LOC128462377: variants seen among roughly 807,000 people sequenced by gnomAD.
chr16:89,340,437 G>A, the LOC128462377 span, among the ~76,000 whole-genome samples: 1 of 152,180 alleles, frequency 6.6e-6, no homozygotes, highest in Admixed American at 6.5e-5. Context: ...ACCATGCCTG[G>A]CTAGTTTTTG....
At chr16:89,362,790 A>G in the LOC128462377 span, among the ~76,000 whole-genome samples, 1 of 152,130 alleles carries the variant, frequency 6.6e-6, no homozygotes, top group African/African-American at 2.4e-5. Flanking sequence ...CCTCTTCCTT[A>G]GTTGAAGGTG....
chr16:89,374,860 A>G, the LOC128462377 span, among the ~76,000 whole-genome samples: 3 of 152,322 alleles, frequency 2.0e-5, no homozygotes, highest in South Asian at 6.2e-4. Flanking sequence ...CAACAAATAC[A>G]CTGAAAAACT....
the LOC128462377 span, chr16:89,323,645 A>C: frequency 2.3e-3 from 737 of 322,662 alleles, 12 homozygotes; most frequent in South Asian, 0.017. Flanking sequence ...CCTCACAGGA[A>C]CCAGGCCCTC....
the LOC128462377 span, among the ~76,000 whole-genome samples, chr16:89,383,882 C>T: frequency 6.6e-6 from 1 of 152,350 alleles, no homozygotes; most frequent in African/African-American, 2.4e-5. Flanking sequence ...AGTCATACCT[C>T]TGTCTCACAA....
chr16:89,354,243 C>CAAA, the LOC128462377 span, among the ~76,000 whole-genome samples: 187 of 126,226 alleles, frequency 1.5e-3, 1 homozygote, highest in Middle Eastern at 0.012. Context: ...TGCATTCAGC[C>CAAA]AAAAAAAAAA....
the LOC128462377 span, among the ~76,000 whole-genome samples, chr16:89,330,083 T>A: frequency 6.6e-6 from 1 of 152,190 alleles, no homozygotes; most frequent in Admixed American, 6.5e-5. Flanking sequence ...AACATTTTAA[T>A]AATGTTTAAA....
chr16:89,324,299 C>A, the LOC128462377 span: 3 of 1,267,338 alleles, frequency 2.4e-6, no homozygotes, highest in African/African-American at 1.5e-5. Context: ...CACGGACCAC[C>A]CGACAGGAGC....
At chr16:89,325,449 C>CCTCTCT in the LOC128462377 span, among the ~76,000 whole-genome samples, 426 of 139,612 alleles carry the variant, frequency 3.1e-3, 2 homozygotes, top group African/African-American at 0.01. Flanking sequence ...TCTCCCCTCT[C>CCTCTCT]CTCTCTCTCT....
chr16:89,384,634 G>A, the LOC128462377 span, among the ~76,000 whole-genome samples: 1 of 152,156 alleles, frequency 6.6e-6, no homozygotes, highest in African/African-American at 2.4e-5. Context: ...CCTCTGCACT[G>A]GCAGTGGCAC....
the LOC128462377 span, chr16:89,343,791 C>T: frequency 6.6e-6 from 1 of 152,384 alleles, no homozygotes; most frequent in African/African-American, 2.4e-5. Flanking sequence ...CAGGGCGCGC[C>T]TCCCTCCAGC....
At chr16:89,379,158 GC>G in the LOC128462377 span, among the ~76,000 whole-genome samples, 1 of 152,222 alleles carries the variant, frequency 6.6e-6, no homozygotes, top group African/African-American at 2.4e-5. Flanking sequence ...CCCCATGCCT[GC>G]CCCGGCACAC....
the LOC128462377 span, among the ~76,000 whole-genome samples, chr16:89,363,582 C>T: frequency 1.3e-5 from 2 of 152,122 alleles, no homozygotes; most frequent in Admixed American, 1.3e-4. Context: ...CTAGGAGAAA[C>T]CACCAAAACT....
the LOC128462377 span, among the ~76,000 whole-genome samples, chr16:89,382,637 G>A: frequency 6.6e-6 from 1 of 150,922 alleles, no homozygotes; most frequent in Non-Finnish European, 1.5e-5. Context: ...ACACTTGGCC[G>A]ACAAATAAAC....
At chr16:89,367,908 G>A in the LOC128462377 span, among the ~76,000 whole-genome samples, 2 of 152,184 alleles carry the variant, frequency 1.3e-5, no homozygotes, top group Non-Finnish European at 2.9e-5. Flanking sequence ...AGAGGCTGAG[G>A]TGGGAGGATC....
the LOC128462377 span, among the ~76,000 whole-genome samples, chr16:89,362,961 A>C: frequency 6.6e-6 from 1 of 151,924 alleles, no homozygotes; most frequent in African/African-American, 2.4e-5. Context: ...AGTTGGTATA[A>C]AAAAACCGGA....
chr16:89,380,985 G>A, the LOC128462377 span, among the ~76,000 whole-genome samples: 30 of 152,256 alleles, frequency 2.0e-4, 1 homozygote, highest in South Asian at 4.8e-3. Context: ...AAGGGGCTCC[G>A]AGTGAAGCCC....
At chr16:89,410,825 G>C in the LOC128462377 span, among the ~76,000 whole-genome samples, 1 of 152,234 alleles carries the variant, frequency 6.6e-6, no homozygotes, top group African/African-American at 2.4e-5. Flanking sequence ...TTAACAGAAG[G>C]GGGTGGGGAG....
chr16:89,354,509 C>T, the LOC128462377 span, among the ~76,000 whole-genome samples: 1 of 152,204 alleles, frequency 6.6e-6, no homozygotes, highest in African/African-American at 2.4e-5. Context: ...GCGTGCCCAG[C>T]ACCTGCTCTT....
At chr16:89,378,775 G>A in the LOC128462377 span, among the ~76,000 whole-genome samples, 2 of 152,174 alleles carry the variant, frequency 1.3e-5, no homozygotes, top group Admixed American at 1.3e-4. Flanking sequence ...TAGTAGAGAC[G>A]GGGTTTCATC....
Sources: gnomAD v4.1 joint callset for allele counts (sites outside exome capture counted in the v4.1 genomes callset) on GRCh38, gnomAD v4.1.1 for gene constraint, MANE v1.5 for transcripts.